The following LRRC47 variants were observed in gnomAD, a reference collection of about 807,000 sequenced individuals.
LRRC47 encodes the protein leucine rich repeat containing 47.
A neutral mutation model predicts 40.9 loss-of-function variants in LRRC47; 31 were observed. That is an observed-to-expected ratio of 0.76 (90% CI 0.57 to 1.02). The LOEUF (loss-of-function observed/expected upper bound fraction) is 1.02, where lower values mean the gene tolerates loss of function less well. Among genes scored for constraint, LRRC47 ranks in the 50% least tolerant of loss-of-function variants. The pLI, the probability that LRRC47 is intolerant of heterozygous loss-of-function variation, is 0.00. For missense variants in LRRC47, 726 were observed against 796.1 expected (o/e 0.91, Z 1.06); for synonymous variants, 427 against 371.9 (o/e 1.15, Z -1.70).
At chr1:3,781,457 C>T (rs1643519987) in intron 6 of LRRC47, 55 bp downstream of exon 6, 2 of 1,583,234 alleles carry the variant, frequency 1.3e-6, no homozygotes, top group South Asian at 1.1e-5. Flanking sequence ...AGTCAAGGAG[C>T]AGAGCACCAC....
At position 3,787,137 on chromosome 1, in the gene LRRC47, A is replaced by G; in HGVS notation, c.789T>C (p.Arg263=). ...SILEYLRVGG[R]GGGKGKGRAE... is the part of the protein sequence containing the mutation. ...CACGGCCCTTGCCCTTCCCGCCACC[A>G]CGGCCTCCGACGCGCAGGTACTCCA... Residue 263 remains arginine, a synonymous_variant, in exon 2 of 7, where the codon CGT becomes CGC. Transcript: ENST00000378251. The G allele has an allele frequency of 1.2e-6, 2 of 1,612,892 alleles. No individual in the cohort carries two copies. Among genetic ancestry groups the G allele is most frequent in the Non-Finnish European group, 1.7e-6 (2 of 1,179,870 alleles).
In LRRC47 at chr1:3,787,213, C is replaced by T. The variant is rs1420363179; in HGVS notation, c.713G>A (p.Arg238Lys). 6.2e-7 allele frequency: 1 copy of T among 1,613,746 alleles called. No homozygotes were observed. The highest frequency in any genetic ancestry group is 1.3e-5 in the African/African-American group (1 of 74,944). ...GACCATCTTCTCCAGGCGCTTGTCC[C>T]TCAGCTTGTTCCCACGGAAATTGAT... is the stretch of plus-strand genomic sequence containing the variant. ...KEINFRGNKLRDKRLEKMVSG... is the reference protein window; with the variant it reads ...KEINFRGNKLKDKRLEKMVSG... The change falls in exon 2 of 7, where the codon AGG becomes AAG. Residue 238 changes from arginine to lysine, a missense_variant. By Grantham distance (26) the Arg-to-Lys change is conservative (BLOSUM62 2). Coordinates refer to ENST00000378251, the MANE Select transcript of LRRC47 (RefSeq NM_020710.3).
rs1344637442 is a variant in LRRC47, at chr1:3,780,998, CTG to C, written c.*88_*89del. 1.3e-6 allele frequency: 2 copies of C among 1,520,762 alleles called. No homozygotes were observed. Among genetic ancestry groups the C allele is most frequent in the African/African-American group, 1.4e-5 (1 of 71,134 alleles). 94.2% of individuals were successfully genotyped at this position (1,520,762 alleles called of 1,614,324 possible). On this transcript the variant is annotated 3_prime_UTR_variant, in exon 7 of 7. Coordinates refer to ENST00000378251, the MANE Select transcript of LRRC47 (RefSeq NM_020710.3). ...TCAAAAAAAAAAACCAACAAAAAAA[CTG>C]GGGTGAAAATCTAACGGATAATTCA...
Position 3,787,150 on chromosome 1 carries a change from C to T in LRRC47, c.776G>A (p.Arg259His), listed in dbSNP as rs1480935964. Residue 259 changes from arginine (R) to histidine (H), a missense_variant, in exon 2 of 7, where the codon CGC becomes CAC. Coordinates refer to ENST00000378251, the MANE Select transcript of LRRC47 (RefSeq NM_020710.3). ...CTTCCCGCCACCACGGCCTCCGACGCGCAGGTACTCCAGGATGGATCTGGT... is the reference window on the plus strand; with the variant it reads ...CTTCCCGCCACCACGGCCTCCGACGTGCAGGTACTCCAGGATGGATCTGGT... Reference protein sequence around the residue: ...CQTRSILEYLRVGGRGGGKGK... With the variant: ...CQTRSILEYLHVGGRGGGKGK... 1 of 1,613,746 alleles carries T rather than the reference C, an allele frequency of 6.2e-7. No homozygotes were observed. Among genetic ancestry groups the T allele is most frequent in the Non-Finnish European group, 8.5e-7 (1 of 1,180,052 alleles).
At position 3,779,482 on chromosome 1, in the gene LRRC47, A is replaced by G. The variant is rs1328680635; in HGVS notation, c.*1606T>C. On this transcript the variant is annotated 3_prime_UTR_variant, in exon 7 of 7. Transcript: ENST00000378251. Reference sequence around the variant, plus strand: ...GGCCGTGTCCTCATGAGCCAAGCACACTGACTCCCGGGAGTGGTGTGCACG... The same window carrying G: ...GGCCGTGTCCTCATGAGCCAAGCACGCTGACTCCCGGGAGTGGTGTGCACG... 2 of 152,208 alleles carry G rather than the reference A, an allele frequency of 1.3e-5. No homozygotes were observed. The highest frequency in any genetic ancestry group is 2.9e-5 in the Non-Finnish European group (2 of 68,040). 9.4% of individuals were successfully genotyped at this position (152,208 alleles called of 1,614,324 possible).
At position 3,785,171 on chromosome 1, in the gene LRRC47, C is replaced by T. The variant is rs763725849; in HGVS notation, c.1110G>A (p.Arg370=). The T allele has an allele frequency of 3.8e-6, 6 of 1,592,326 alleles. No homozygotes were observed. The East Asian group carries it at 1.2e-4, about 31-fold the overall frequency. The change falls in exon 3 of 7, where the codon AGG becomes AGA. Residue 370 remains arginine (R), a synonymous_variant. Transcript: ENST00000378251. Reference sequence around the variant, plus strand: ...CGTGGGTGGCAAGGGTGGCAGCCGTCCTCTTCTCACAGAGATCTTCGTGGA... The same window carrying T: ...CGTGGGTGGCAAGGGTGGCAGCCGTTCTCTTCTCACAGAGATCTTCGTGGA... ...TKLHEDLCEK[R]TAATLATHEL...
Position 3,796,261 on chromosome 1 carries a change from C to T in LRRC47, c.216G>A (p.Gln72=). Residue 72 remains glutamine (Q), a synonymous_variant, in exon 1 of 7, where the codon CAG becomes CAA. Transcript: ENST00000378251. ...CGAGGCTGTGCAGCTGCGGCAGGCC[C>T]TGCGCCAGGCCAGGCCCCGGCGCGC... ...SLRAPGPGLA[Q]GLPQLHSLVL... 1 of 1,467,578 alleles carries T rather than the reference C, an allele frequency of 6.8e-7. No homozygotes were observed. Among genetic ancestry groups the T allele is most frequent in the Non-Finnish European group, 8.9e-7 (1 of 1,118,450 alleles). The allele number at this position is 1,467,578 out of a possible 1,614,324, so 90.9% of individuals were successfully genotyped here.
intron 2 of LRRC47, 94 bp downstream of exon 2, chr1:3,786,755 T>C: frequency 1.6e-6 from 2 of 1,226,450 alleles, no homozygotes; most frequent in Non-Finnish European, 2.2e-6. Context: ...ACTCCACTGC[T>C]GCTCCTTCGG....
chr1:3,785,769 G>A (rs1315840350), intron 2 of LRRC47, among the ~76,000 whole-genome samples: 1 of 152,170 alleles, frequency 6.6e-6, no homozygotes, highest in Non-Finnish European at 1.5e-5. Context: ...GCTGGCAAGA[G>A]TTGATGACTT....
intron 1 of LRRC47, among the ~76,000 whole-genome samples, chr1:3,793,370 G>A (rs968947171): frequency 2.6e-5 from 4 of 152,206 alleles, no homozygotes; most frequent in African/African-American, 9.6e-5. Context: ...TGGGATTACA[G>A]GCAGGAGCCA....
At chr1:3,781,689 A>C in intron 5 of LRRC47, 88 bp from the exon 6 acceptor site, 2 of 1,107,726 alleles carry the variant, frequency 1.8e-6, no homozygotes, top group Admixed American at 4.0e-5. Context: ...AAAATCTACA[A>C]AACTGTGTGG....
rs936870057 is a variant in LRRC47 at position 3,796,000 on chromosome 1, G to C, written c.477C>G (p.Asn159Lys). ...ARCAPRLQSL[N>K]LTGNCLDSFP... is the part of the protein sequence containing the mutation. ...AGGAGTCTAGGCAATTGCCGGTGAG[G>C]TTGAGGCTCTGCAGGCGCGGGGCGC... The change falls in exon 1 of 7, where the codon AAC (asparagine) becomes AAG (lysine). Residue 159 changes from asparagine (N) to lysine (K), a missense_variant. Coordinates refer to ENST00000378251, the MANE Select transcript of LRRC47 (RefSeq NM_020710.3). 6.4e-7 allele frequency: 1 copy of C among 1,565,402 alleles called. No individual in the cohort carries two copies. The highest frequency in any genetic ancestry group is 8.6e-7 in the Non-Finnish European group (1 of 1,156,902).
intron 2 of LRRC47, 63 bp downstream of exon 2, chr1:3,786,786 G>T: frequency 6.9e-7 from 1 of 1,447,966 alleles, no homozygotes; most frequent in South Asian, 1.4e-5. Context: ...CTCAGGATGT[G>T]TCCCAGCTTG....
chr1:3,786,431 C>T (rs565856666), intron 2 of LRRC47, among the ~76,000 whole-genome samples: 37 of 152,116 alleles, frequency 2.4e-4, no homozygotes, highest in Non-Finnish European at 4.3e-4. Flanking sequence ...ACCCAGGAGG[C>T]GGACGCTACA....
chr1:3,795,718 G>A (rs1643666971), intron 1 of LRRC47, 144 bp downstream of exon 1: 2 of 1,128,962 alleles, frequency 1.8e-6, no homozygotes, highest in Admixed American at 7.0e-5. Flanking sequence ...GCCCCCCGCA[G>A]CTGGCTCCTT....
intron 3 of LRRC47, among the ~76,000 whole-genome samples, chr1:3,784,414 G>A (rs1287409630): frequency 6.6e-6 from 1 of 152,198 alleles, no homozygotes; most frequent in African/African-American, 2.4e-5. Context: ...CAAAAGAGGA[G>A]AGAAAGGCTG....
chr1:3,793,714 C>G (rs1643647624), intron 1 of LRRC47, among the ~76,000 whole-genome samples: 1 of 152,118 alleles, frequency 6.6e-6, no homozygotes, highest in African/African-American at 2.4e-5. Flanking sequence ...ATCAATGGCT[C>G]TACCTGAAAC....
intron 1 of LRRC47, among the ~76,000 whole-genome samples, chr1:3,787,688 C>T (rs1223165948): frequency 6.6e-6 from 1 of 152,136 alleles, no homozygotes; most frequent in African/African-American, 2.4e-5. Flanking sequence ...AACGTGACCT[C>T]ATGTCGGGAC....
chr1:3,781,184 C>G lies in LRRC47; in HGVS notation c.1656G>C (p.Gln552His), dbSNP rs377113711. 4 of 1,614,062 alleles carry G rather than the reference C, an allele frequency of 2.5e-6. No individual in the cohort carries two copies. The African/African-American group carries it at 4.0e-5, about 16-fold the overall frequency. ...KDGPSLLVVE[Q>H]VRVVDLEGSL... ...TCCCTTCCAGATCCACCACCCGGAC[C>G]TGCTCCACCACCAGAAGGGAGGGCC... The change falls in exon 7 of 7, where the codon CAG (glutamine) becomes CAC (histidine). Residue 552 changes from glutamine (Q) to histidine (H), a missense_variant. By Grantham distance (24) the Gln-to-His change is conservative. Transcript: ENST00000378251.
Sources: allele counts gnomAD v4.1 joint callset (sites outside exome capture counted in the v4.1 genomes callset), GRCh38; gene constraint gnomAD v4.1.1; transcripts MANE v1.5; gene names NCBI Gene and HGNC (gene_info 2026-07-23, HGNC 2026-07-21).